The following LMX1B variants were observed in gnomAD, a reference collection of about 807,000 sequenced individuals.
The protein encoded by LMX1B is LIM homeobox transcription factor 1 beta, also known as LIM homeobox transcription factor 1-beta.
LMX1B carries 12 observed loss-of-function variants against 51.4 expected under a neutral mutation model. The observed-to-expected ratio is 0.23, with a 90% CI of 0.15 to 0.38. The LOEUF is 0.38. Among genes scored for constraint, LMX1B ranks in the 10% least tolerant of loss-of-function variants. LMX1B has a pLI of 1.00. For synonymous variants in LMX1B, 237 were observed against 235.4 expected (o/e 1.01, Z -0.06); for missense variants, 445 against 571.1 (o/e 0.78, Z 2.25).
At chr9:126,653,389 C>T (rs1836057516) in intron 2 of LMX1B, among the ~76,000 whole-genome samples, 1 of 151,998 alleles carries the variant, frequency 6.6e-6, no homozygotes, top group South Asian at 2.1e-4. Flanking sequence ...CTTCTGGGCT[C>T]AATTGCTCTG....
At chr9:126,661,703 G>T (rs1471474898) in intron 2 of LMX1B, among the ~76,000 whole-genome samples, 2 of 152,128 alleles carry the variant, frequency 1.3e-5, no homozygotes, top group Non-Finnish European at 2.9e-5. Context: ...GTGGCTGCGG[G>T]GCCCGAGTTG....
chr9:126,686,256 G>A (rs1836766062), intron 2 of LMX1B, among the ~76,000 whole-genome samples: 1 of 138,142 alleles, frequency 7.2e-6, no homozygotes, highest in Admixed American at 8.0e-5. Context: ...CTCCAGCCTG[G>A]GCAACAGAGT....
At chr9:126,678,129 G>C (rs1460348316) in intron 2 of LMX1B, among the ~76,000 whole-genome samples, 3 of 152,034 alleles carry the variant, frequency 2.0e-5, no homozygotes, top group African/African-American at 7.2e-5. Context: ...TGGCCAACAT[G>C]GTGAAACCCC....
Position 126,618,145 on chromosome 9 carries a change from G to A in LMX1B, c.326+2576G>A, listed in dbSNP as rs1242155674. 1.3e-5 allele frequency among the ~76,000 whole-genome samples: 2 copies of A among 152,128 alleles called. No individual in the cohort carries two copies. The highest frequency in any genetic ancestry group is 4.8e-5 in the African/African-American group (2 of 41,424). On this transcript the variant is annotated intron_variant, in intron 2 of 7. Transcript: ENST00000373474. The surrounding 1 kb of genome is among the most constrained non-coding windows in gnomAD (Gnocchi z 4.5). ...AATCCAAGCAAGCGGGCGCAGAAAC[G>A]TGCCTTCTTGATATTGTCGAGTCTG... is the stretch of plus-strand genomic sequence containing the variant.
At position 126,618,013 on chromosome 9, in the gene LMX1B, G is replaced by A. The variant is rs969865766; in HGVS notation, c.326+2444G>A. On this transcript the variant is annotated intron_variant, in intron 2 of 7. Transcript: ENST00000373474. This position sits in a 1 kb window ranked among gnomAD's most constrained non-coding sequence, Gnocchi z 4.5. ...CCAGGCAGGCAGCAGCCACTGGAAA[G>A]GGATGTTCTTTGCACAATAAAAATT... 2.0e-5 allele frequency among the ~76,000 whole-genome samples: 3 copies of A among 152,214 alleles called. No individual in the cohort carries two copies. The highest frequency in any genetic ancestry group is 7.2e-5 in the African/African-American group (3 of 41,462).
At chr9:126,651,454 T>C (rs1020058486) in intron 2 of LMX1B, among the ~76,000 whole-genome samples, 1 of 152,062 alleles carries the variant, frequency 6.6e-6, no homozygotes, top group African/African-American at 2.4e-5. Context: ...CAGGGTTGTC[T>C]CAAGGGGACA....
chr9:126,616,310 G>A (rs976580248), intron 2 of LMX1B, among the ~76,000 whole-genome samples: 1 of 152,212 alleles, frequency 6.6e-6, no homozygotes, highest in Non-Finnish European at 1.5e-5. Context: ...GGCCCGCTCT[G>A]CCCTGGTATA....
intron 2 of LMX1B, among the ~76,000 whole-genome samples, chr9:126,650,879 G>C (rs963341419): frequency 2.6e-5 from 4 of 152,224 alleles, no homozygotes; most frequent in Non-Finnish European, 2.9e-5. Flanking sequence ...GGATAATTAC[G>C]GAGTGCAGAA....
In LMX1B at chr9:126,696,414, G is replaced by T; in HGVS notation, c.1172G>T (p.Arg391Leu). The T allele has an allele frequency of 6.2e-7, 1 of 1,614,036 alleles. No homozygotes were observed. The highest frequency in any genetic ancestry group is 8.5e-7 in the Non-Finnish European group (1 of 1,179,964). ...GCCCGCGTGGGGAACCCCATCGACC[G>T]GCTCTACTCCATGCAGAGTTCCTAC... ...LQARVGNPIDRLYSMQSSYFA... is the reference protein window; with the variant it reads ...LQARVGNPIDLLYSMQSSYFA... The change falls in exon 8 of 8, where the codon CGG becomes CTG. Residue 391 changes from arginine to leucine, a missense_variant. Arg to Leu is a moderately radical substitution (Grantham distance 102). Around this residue, in one of 3 missense-constraint regions of LMX1B, gnomAD observed 162 missense variants for 187.8 expected, o/e 0.86. Coordinates refer to ENST00000373474, the MANE Select transcript of LMX1B (RefSeq NM_001174147.2).
chr9:126,617,544 A>T (rs1835326813), intron 2 of LMX1B, among the ~76,000 whole-genome samples: 1 of 152,032 alleles, frequency 6.6e-6, no homozygotes, highest in Non-Finnish European at 1.5e-5. Flanking sequence ...AGAATGGTAA[A>T]GTCACGAAAT....
chr9:126,664,410 G>A (rs577559493), intron 2 of LMX1B, among the ~76,000 whole-genome samples: 9 of 152,326 alleles, frequency 5.9e-5, no homozygotes, highest in African/African-American at 2.2e-4. Flanking sequence ...CCCAGGGATG[G>A]GGGGGAGGCA....
At chr9:126,661,522 A>G (rs1836245822) in intron 2 of LMX1B, among the ~76,000 whole-genome samples, 1 of 152,146 alleles carries the variant, frequency 6.6e-6, no homozygotes, top group Non-Finnish European at 1.5e-5. Context: ...GAGCAGGTTT[A>G]ATGGGCCAGC....
intron 2 of LMX1B, chr9:126,640,818 C>T (rs1178713444): frequency 6.6e-6 from 1 of 152,290 alleles, no homozygotes; most frequent in East Asian, 1.9e-4. Flanking sequence ...AGCTAAGCTT[C>T]CTGCTTTCCT....
At position 126,615,225 on chromosome 9, in the gene LMX1B, C is replaced by T. The variant is rs2118822346; in HGVS notation, c.140-158C>T. 6.6e-6 allele frequency among the ~76,000 whole-genome samples: 1 copy of T among 151,642 alleles called. No homozygotes were observed. Among genetic ancestry groups the T allele is most frequent in the South Asian group, 2.1e-4 (1 of 4,824 alleles). ...ACTGGGACGGACTAGCCGGGGCCGCCCGGCCCCTGGCGCGGCGGTCCGGGG... is the reference window on the plus strand; with the variant it reads ...ACTGGGACGGACTAGCCGGGGCCGCTCGGCCCCTGGCGCGGCGGTCCGGGG... On this transcript the variant is annotated intron_variant, in intron 1 of 7. Coordinates refer to ENST00000373474, the MANE Select transcript of LMX1B (RefSeq NM_001174147.2). The surrounding 1 kb of genome is among the most constrained non-coding windows in gnomAD (Gnocchi z 6.0).
chr9:126,700,570 C>T lies in LMX1B; in HGVS notation c.*4119C>T, dbSNP rs1450043559. On this transcript the variant is annotated 3_prime_UTR_variant, in exon 8 of 8. Coordinates refer to ENST00000373474, the MANE Select transcript of LMX1B (RefSeq NM_001174147.2). The stretch of plus-strand genomic sequence containing the variant: ...CCCTGGGGGGAAAGGGCTCCACGCT[C>T]ACACGCACGCGCTCGCACACACACA... 2.0e-5 allele frequency: 3 copies of T among 152,588 alleles called. No homozygotes were observed. Among genetic ancestry groups the T allele is most frequent in the Non-Finnish European group, 2.9e-5 (2 of 68,342 alleles). 9.5% of individuals were successfully genotyped at this position (152,588 alleles called of 1,614,324 possible).
rs1181145640 is a variant in LMX1B at position 126,695,238 on chromosome 9, C to A, written c.887-601C>A. On this transcript the variant is annotated intron_variant, in intron 6 of 7. Transcript: ENST00000373474. This position sits in a 1 kb window ranked among gnomAD's most constrained non-coding sequence, Gnocchi z 5.2. ...TACCAAACCCTCCAGCGGCTCCCAG[C>A]GGCCTCGGGGACCCCCACCCAGCTC... Among the ~76,000 whole-genome samples the A allele has an allele frequency of 6.6e-6, 1 of 152,182 alleles. No individual in the cohort carries two copies. The highest frequency in any genetic ancestry group is 1.5e-5 in the Non-Finnish European group (1 of 68,028).
chr9:126,657,410 G>C (rs1455377561), intron 2 of LMX1B, among the ~76,000 whole-genome samples: 1 of 152,228 alleles, frequency 6.6e-6, no homozygotes, highest in African/African-American at 2.4e-5. Context: ...CCTACTTTCA[G>C]TTCTCTGCAA....
intron 2 of LMX1B, among the ~76,000 whole-genome samples, chr9:126,619,114 C>T (rs577731877): frequency 2.9e-4 from 44 of 152,294 alleles, no homozygotes; most frequent in African/African-American, 1.0e-3. Context: ...AGGGGAGCAT[C>T]GAGGCTTTGA....
At chr9:126,630,772 A>G (rs1835617964) in intron 2 of LMX1B, among the ~76,000 whole-genome samples, 1 of 152,264 alleles carries the variant, frequency 6.6e-6, no homozygotes, top group Non-Finnish European at 1.5e-5. Context: ...GGATTACACC[A>G]CAGGGTGGGG....
Sources: gnomAD v4.1 joint callset for allele counts (sites outside exome capture counted in the v4.1 genomes callset) on GRCh38, gnomAD v4.1.1 for gene constraint, gnomAD v4.1.1 regional missense constraint, Gnocchi (gnomAD v3.1) non-coding constraint, MANE v1.5 for transcripts, NCBI Gene and HGNC (gene_info 2026-07-23, HGNC 2026-07-21) for gene names.